ELP4: variants seen among roughly 807,000 people sequenced by gnomAD.
ELP4 encodes the protein elongator acetyltransferase complex subunit 4.
A neutral mutation model predicts 48.9 loss-of-function variants in ELP4; 51 were observed. The observed-to-expected ratio is 1.04, with a 90% CI of 0.83 to 1.32. The LOEUF (loss-of-function observed/expected upper bound fraction) is 1.32, where lower values mean the gene tolerates loss of function less well. Ranked by LOEUF, ELP4 falls within the 40% of genes most tolerant of loss-of-function variation. The pLI, the probability that ELP4 is intolerant of heterozygous loss-of-function variation, is 0.00. For synonymous variants in ELP4, 210 were observed against 189.2 expected (o/e 1.11, Z -0.90); for missense variants, 519 against 514.6 (o/e 1.01, Z -0.08).
At chr11:31,527,785 G>A (rs954873001) in intron 2 of ELP4, among the ~76,000 whole-genome samples, 2 of 151,926 alleles carry the variant, frequency 1.3e-5, no homozygotes. Context: ...GTATATCTTG[G>A]CTTAAGACCT....
chr11:31,727,036 T>A (rs2134194777), intron 9 of ELP4, among the ~76,000 whole-genome samples: 1 of 152,260 alleles, frequency 6.6e-6, no homozygotes, highest in East Asian at 1.9e-4. Context: ...AATAAGTAGC[T>A]CAAATTTCAT....
chr11:31,530,894 T>C (rs778793522), intron 2 of ELP4, among the ~76,000 whole-genome samples: 7 of 152,190 alleles, frequency 4.6e-5, no homozygotes, highest in Non-Finnish European at 7.4e-5. Context: ...TACTGTGGAA[T>C]AGAACAGGAC....
At chr11:31,728,045 ACT>A (rs1219362625) in intron 9 of ELP4, 1 of 152,148 alleles carries the variant, frequency 6.6e-6, no homozygotes, top group East Asian at 1.9e-4. Flanking sequence ...CCATTATATT[ACT>A]TCCCAAAAAA....
Position 31,510,011 on chromosome 11 carries a change from G to T in ELP4, c.223+4G>T, listed in dbSNP as rs1412817137. 1.9e-6 allele frequency: 3 copies of T among 1,607,030 alleles called. No individual in the cohort carries two copies. Among genetic ancestry groups the T allele is most frequent in the African/African-American group, 1.3e-5 (1 of 74,768 alleles). ...CCAGCCCTAGACCAGCTCTTAGGTC[G>T]GTTCAGAGCGGAGATCTGGGCTCAG... On this transcript the variant is annotated splice_donor_region_variant and intron_variant, in intron 1 of 9. Transcript: ENST00000640961.
chr11:31,707,600 A>G (rs1946660870), intron 9 of ELP4, among the ~76,000 whole-genome samples: 1 of 152,060 alleles, frequency 6.6e-6, no homozygotes, highest in South Asian at 2.1e-4. Context: ...GACTAATTTT[A>G]TATTATTTTT....
At position 31,595,361 on chromosome 11, in the gene ELP4, G is replaced by A. The variant is rs1320152658; in HGVS notation, c.513+460G>A. Among the ~76,000 whole-genome samples the A allele has an allele frequency of 2.0e-5, 3 of 152,202 alleles. No homozygotes were observed. The East Asian group carries it at 5.8e-4, about 29-fold the overall frequency. On this transcript the variant is annotated intron_variant, in intron 4 of 9. Coordinates refer to ENST00000640961, the MANE Select transcript of ELP4 (RefSeq NM_019040.5). ...AAATTTCTGAGAAGTCAGAACAAAT[G>A]CCAATAAATCTGTCCAGTAAAACTC...
rs1482770034 is a variant in ELP4, at chr11:31,678,690, G to T, written c.1143+28469G>T. On this transcript the variant is annotated intron_variant, in intron 9 of 9. Transcript: ENST00000640961. ...ACATCTTGGTTGCTTCCAAGTTTTGGCAATTATGAAGAAAGCTACTGGTAT... is the reference window on the plus strand; with the variant it reads ...ACATCTTGGTTGCTTCCAAGTTTTGTCAATTATGAAGAAAGCTACTGGTAT... 2.6e-5 allele frequency among the ~76,000 whole-genome samples: 4 copies of T among 152,020 alleles called. No individual in the cohort carries two copies. The East Asian group carries it at 7.7e-4, about 29-fold the overall frequency.
chr11:31,662,831 C>T (rs1945593229), intron 9 of ELP4: 1 of 337,262 alleles, frequency 3.0e-6, no homozygotes, highest in Non-Finnish European at 5.3e-6. Flanking sequence ...TGAGAAAATA[C>T]CTAGATTTCA....
At chr11:31,564,309 CAG>C (rs1957069447) in intron 3 of ELP4, among the ~76,000 whole-genome samples, 1 of 151,338 alleles carries the variant, frequency 6.6e-6, no homozygotes, top group South Asian at 2.1e-4. Flanking sequence ...ACCACTGAAA[CAG>C]AATTTTTATA....
At chr11:31,602,202 C>G (rs945354229) in intron 4 of ELP4, among the ~76,000 whole-genome samples, 1 of 151,890 alleles carries the variant, frequency 6.6e-6, no homozygotes, top group East Asian at 1.9e-4. Flanking sequence ...CTTGGACTTA[C>G]ACAATAAAAA....
intron 9 of ELP4, among the ~76,000 whole-genome samples, chr11:31,689,823 T>C (rs1285092319): frequency 6.6e-6 from 1 of 152,070 alleles, no homozygotes; most frequent in Non-Finnish European, 1.5e-5. Flanking sequence ...ATAGAGATAA[T>C]TAGCATCTTT....
intron 3 of ELP4, among the ~76,000 whole-genome samples, chr11:31,590,173 A>G (rs1374342601): frequency 1.3e-5 from 2 of 152,324 alleles, no homozygotes; most frequent in African/African-American, 4.8e-5. Flanking sequence ...TACCTACCTC[A>G]TAAGTTTATT....
At chr11:31,760,495 A>G (rs1191087713) in intron 9 of ELP4, among the ~76,000 whole-genome samples, 1 of 152,186 alleles carries the variant, frequency 6.6e-6, no homozygotes, top group Non-Finnish European at 1.5e-5. Flanking sequence ...AGAAATATGC[A>G]TCAGTTTAAG....
chr11:31,595,044 C>T (rs1217867630), intron 4 of ELP4, 143 bp downstream of exon 4: 1 of 627,276 alleles, frequency 1.6e-6, no homozygotes. Context: ...TCAAGATGAT[C>T]TATTTCTTAC....
At chr11:31,743,301 G>T (rs1426855067) in intron 9 of ELP4, among the ~76,000 whole-genome samples, 2 of 152,148 alleles carry the variant, frequency 1.3e-5, no homozygotes, top group African/African-American at 4.8e-5. Context: ...AATAATGGGA[G>T]ACTTTAACAC....
chr11:31,576,329 C>T (rs1957277781), intron 3 of ELP4, among the ~76,000 whole-genome samples: 1 of 152,194 alleles, frequency 6.6e-6, no homozygotes, highest in South Asian at 2.1e-4. Context: ...TAGACTCCCA[C>T]ACAATAATAA....
intron 2 of ELP4, among the ~76,000 whole-genome samples, chr11:31,536,541 G>A (rs1164162913): frequency 3.9e-5 from 6 of 152,042 alleles, no homozygotes; most frequent in South Asian, 2.1e-4. Context: ...TAGTAAAGGC[G>A]GGATTTCGCT....
chr11:31,722,721 C>CTTTCTCTCTCTT (rs34168331), intron 9 of ELP4, among the ~76,000 whole-genome samples: 2 of 148,962 alleles, frequency 1.3e-5, no homozygotes, highest in Non-Finnish European at 3.0e-5. Flanking sequence ...CTCTCTCTCT[C>CTTTCTCTCTCTT]TCTCTTTCTC....
intron 7 of ELP4, among the ~76,000 whole-genome samples, chr11:31,644,334 G>A (rs866951619): frequency 2.4e-4 from 36 of 151,722 alleles, no homozygotes; most frequent in African/African-American, 8.7e-4. Context: ...GAAAATTAAT[G>A]CAAAGATTAT....
Sources: allele counts gnomAD v4.1 joint callset (sites outside exome capture counted in the v4.1 genomes callset), GRCh38; gene constraint gnomAD v4.1.1; transcripts MANE v1.5; gene names NCBI Gene and HGNC (gene_info 2026-07-23, HGNC 2026-07-21).